The following DCDC1 variants were observed in gnomAD, a reference collection of about 807,000 sequenced individuals.
The protein encoded by DCDC1 is doublecortin domain containing 1.
In DCDC1, 200 loss-of-function variants were observed where a neutral mutation model predicts 178.3. That is an observed-to-expected ratio of 1.12 (90% CI 1.00 to 1.26). The LOEUF (loss-of-function observed/expected upper bound fraction) is 1.26, where lower values mean the gene tolerates loss of function less well. DCDC1 is among the 50% of genes most tolerant of loss of function. The pLI is 0.00. For synonymous variants in DCDC1, 690 were observed against 604.8 expected (o/e 1.14, Z -2.07); for missense variants, 1,983 against 1,749.2 (o/e 1.13, Z -2.38).
At chr11:31,230,563 C>T (rs1975638132) in intron 9 of DCDC1, among the ~76,000 whole-genome samples, 1 of 152,088 alleles carries the variant, frequency 6.6e-6, no homozygotes, top group Non-Finnish European at 1.5e-5. Context: ...AGCTACTGAC[C>T]TCAGCAACAG....
chr11:31,360,532 ATAAC>A (rs1951653248), intron 1 of DCDC1, among the ~76,000 whole-genome samples: 1 of 152,216 alleles, frequency 6.6e-6, no homozygotes, highest in African/African-American at 2.4e-5. Flanking sequence ...TTAACAGCAA[ATAAC>A]TAATAATAAA....
At chr11:31,061,387 C>T (rs988931899) in intron 20 of DCDC1, among the ~76,000 whole-genome samples, 2 of 152,078 alleles carry the variant, frequency 1.3e-5, no homozygotes, top group Non-Finnish European at 2.9e-5. Flanking sequence ...GTACACACAA[C>T]TTATTTTATC....
At chr11:31,324,027 G>A (rs10835763) in intron 3 of DCDC1, among the ~76,000 whole-genome samples, 107,544 of 151,948 alleles carry the variant, frequency 0.71, 39,454 homozygotes, top group African/African-American at 0.9. Flanking sequence ...TGTAATTCTA[G>A]TTTGGCCTAA....
chr11:30,962,321 T>G (rs541805413), intron 20 of DCDC1, among the ~76,000 whole-genome samples: 1 of 152,110 alleles, frequency 6.6e-6, no homozygotes, highest in Non-Finnish European at 1.5e-5. Context: ...CATGCCCCTT[T>G]GCCCTATCTC....
At chr11:31,131,894 G>A (rs1474183339) in intron 10 of DCDC1, among the ~76,000 whole-genome samples, 1 of 152,176 alleles carries the variant, frequency 6.6e-6, no homozygotes, top group African/African-American at 2.4e-5. Flanking sequence ...TTTTATACAT[G>A]ACTGGTTTTA....
chr11:30,899,132 C>CA lies in DCDC1; in HGVS notation c.4765+408dup, dbSNP rs1002930966. ...GATTACTTAAAAAAACAAAACAAAA[C>CA]AAAAAAACAAAAAAAAAAACTTCTT... is the stretch of plus-strand genomic sequence containing the variant. On this transcript the variant is annotated intron_variant, in intron 34 of 38. Transcript: ENST00000684477. 1.9e-4 allele frequency among the ~76,000 whole-genome samples: 28 copies of CA among 148,928 alleles called. 1 individual carries two copies. The highest frequency in any genetic ancestry group is 6.7e-4 in the Admixed American group (10 of 15,020).
chr11:31,222,316 A>C (rs1974363502), intron 9 of DCDC1, among the ~76,000 whole-genome samples: 1 of 152,082 alleles, frequency 6.6e-6, no homozygotes, highest in African/African-American at 2.4e-5. Context: ...CACCCACCTC[A>C]GCCTCCCAAA....
At chr11:31,101,975 G>T (rs967397871) in intron 15 of DCDC1, among the ~76,000 whole-genome samples, 3 of 151,964 alleles carry the variant, frequency 2.0e-5, no homozygotes, top group African/African-American at 7.3e-5. Flanking sequence ...TACCTGAAAG[G>T]CTGAGGCGGG....
chr11:31,351,488 G>A (rs1017852180), intron 1 of DCDC1, among the ~76,000 whole-genome samples: 3 of 152,064 alleles, frequency 2.0e-5, no homozygotes, highest in African/African-American at 7.2e-5. Flanking sequence ...TTTAGCAGGA[G>A]ATACATGTAA....
chr11:31,047,800 G>GA (rs376202849), intron 20 of DCDC1, among the ~76,000 whole-genome samples: 21 of 152,144 alleles, frequency 1.4e-4, no homozygotes, highest in Non-Finnish European at 3.1e-4. Context: ...TATGATAACT[G>GA]AAAAATTACT....
intron 7 of DCDC1, among the ~76,000 whole-genome samples, chr11:31,268,266 T>G (rs1945311716): frequency 6.6e-6 from 1 of 152,170 alleles, no homozygotes; most frequent in Non-Finnish European, 1.5e-5. Context: ...TAAGTAAAAC[T>G]ATAATCTACT....
intron 20 of DCDC1, among the ~76,000 whole-genome samples, chr11:31,041,599 C>A (rs1954455715): frequency 1.3e-5 from 2 of 152,144 alleles, no homozygotes; most frequent in African/African-American, 4.8e-5. Context: ...TTTTGTCTCC[C>A]AAGTCTGTGC....
At chr11:31,324,586 G>A (rs550337396) in intron 3 of DCDC1, among the ~76,000 whole-genome samples, 10 of 152,098 alleles carry the variant, frequency 6.6e-5, no homozygotes, top group Non-Finnish European at 1.0e-4. Flanking sequence ...GGTAGCAGGA[G>A]TCTAAAACAG....
intron 37 of DCDC1, among the ~76,000 whole-genome samples, chr11:30,879,779 A>C (rs2133966995): frequency 6.6e-6 from 1 of 152,248 alleles, no homozygotes; most frequent in South Asian, 2.1e-4. Flanking sequence ...GTTTCTGGGA[A>C]GGCAGCCAAC....
chr11:30,945,151 T>C (rs1294754786), intron 21 of DCDC1, among the ~76,000 whole-genome samples: 1 of 151,424 alleles, frequency 6.6e-6, no homozygotes, highest in Non-Finnish European at 1.5e-5. Flanking sequence ...GTATTTTTAG[T>C]AGAGACGGGG....
At chr11:31,002,370 T>C (rs1052210049) in intron 20 of DCDC1, among the ~76,000 whole-genome samples, 7 of 152,202 alleles carry the variant, frequency 4.6e-5, no homozygotes, top group African/African-American at 1.7e-4. Flanking sequence ...AGAGGATACT[T>C]AAATATTATA....
chr11:31,213,100 CCTCTCTCTCTCTCT>C (rs71060480), intron 9 of DCDC1, among the ~76,000 whole-genome samples: 2,636 of 44,262 alleles, frequency 0.06, 200 homozygotes, highest in African/African-American at 0.084. Context: ...TAAAGCCCAG[CCTCTCTCTCTCTCT>C]CTCTCTCTCT....
intron 36 of DCDC1, among the ~76,000 whole-genome samples, chr11:30,890,929 G>C (rs1164456935): frequency 6.6e-6 from 1 of 152,098 alleles, no homozygotes; most frequent in Non-Finnish European, 1.5e-5. Flanking sequence ...AGCTCTGTTA[G>C]AAATAGGCTT....
At chr11:31,339,767 A>G (rs951561628) in intron 1 of DCDC1, among the ~76,000 whole-genome samples, 11 of 152,224 alleles carry the variant, frequency 7.2e-5, no homozygotes, top group African/African-American at 2.7e-4. Context: ...TCCTTACAGG[A>G]CTAAAGTAGA....
Sources: allele counts gnomAD v4.1 joint callset (sites outside exome capture counted in the v4.1 genomes callset), GRCh38; gene constraint gnomAD v4.1.1; transcripts MANE v1.5; gene names NCBI Gene and HGNC (gene_info 2026-07-23, HGNC 2026-07-21).